The following RALY variants were observed in gnomAD, a reference collection of about 807,000 sequenced individuals.
RALY encodes the protein RALY heterogeneous nuclear ribonucleoprotein, also known as RNA-binding protein Raly.
RALY carries 15 observed loss-of-function variants against 30.7 expected under a neutral mutation model. That is an observed-to-expected ratio of 0.49 (90% CI 0.33 to 0.75). The LOEUF (loss-of-function observed/expected upper bound fraction) is 0.75. Among genes scored for constraint, RALY ranks in the 30% least tolerant of loss-of-function variants. The pLI is 0.02. For missense variants in RALY, 339 were observed against 414.3 expected, an observed-to-expected ratio of 0.82 and a Z score of 1.58; for synonymous variants, 177 against 170.8, an observed-to-expected ratio of 1.04 and a Z score of -0.28.
chr20:34,077,093 G>T lies in RALY; in HGVS notation c.724G>T (p.Gly242Cys), dbSNP rs756941709. Residue 242 changes from glycine to cysteine, a missense_variant, in exon 8 of 10, where the codon GGT becomes TGT. Gly to Cys is a radical substitution (Grantham distance 159, BLOSUM62 -3). Around this residue, in one of 2 missense-constraint regions of RALY, gnomAD observed 268 missense variants for 280.6 expected, o/e 0.95. Transcript: ENST00000246194. ...CGGCGGTGGTGGTGGCAGCGGTGGC[G>T]GTGGCAGTGGTGGTGGCGGTGGCGG... ...GGGGGGGSGG[G>C]GSGGGGGGGS... 1 of 1,604,960 alleles carries T rather than the reference G, an allele frequency of 6.2e-7. No homozygotes were observed. Among genetic ancestry groups the T allele is most frequent in the African/African-American group, 1.3e-5 (1 of 74,840 alleles).
At chr20:34,035,262 C>A (rs1187611432) in intron 2 of RALY, among the ~76,000 whole-genome samples, 1 of 140,828 alleles carries the variant, frequency 7.1e-6, no homozygotes, top group Non-Finnish European at 1.5e-5. Context: ...GAGGGTGGGG[C>A]TGGGTAATTT....
rs1171842051 is a variant in RALY, at chr20:34,078,508, C to T, written c.880C>T (p.His294Tyr). 1 of 1,584,176 alleles carries T rather than the reference C, an allele frequency of 6.3e-7. No homozygotes were observed. Among genetic ancestry groups the T allele is most frequent in the South Asian group, 1.2e-5 (1 of 86,476 alleles). The change falls in exon 9 of 10, where the codon CAC becomes TAC. Residue 294 changes from histidine to tyrosine, a missense_variant. Coordinates refer to ENST00000246194, the MANE Select transcript of RALY (RefSeq NM_016732.3). ...LLTHSEEELEHSQDTDADDGA... is the reference protein window; with the variant it reads ...LLTHSEEELEYSQDTDADDGA... ...TCTCTTACCTCCTCCCTATCAGGAA[C>T]ACAGCCAGGACACAGACGCGGATGA...
At chr20:34,055,548 C>T (rs1352724733) in intron 2 of RALY, among the ~76,000 whole-genome samples, 1 of 152,184 alleles carries the variant, frequency 6.6e-6, no homozygotes, top group Admixed American at 6.5e-5. Flanking sequence ...GTTCTGATGC[C>T]AGTGGGGATG....
chr20:34,076,083 CATT>C (rs1444532393), intron 6 of RALY, 43 bp downstream of exon 6: 21 of 1,574,746 alleles, frequency 1.3e-5, no homozygotes, highest in Non-Finnish European at 1.7e-5. Flanking sequence ...GCATTTTTAT[CATT>C]AGCAAAATAA....
chr20:34,005,507 CAA>C (rs535112985), intron 1 of RALY, among the ~76,000 whole-genome samples: 32 of 134,622 alleles, frequency 2.4e-4, no homozygotes, highest in Non-Finnish European at 1.6e-4. Flanking sequence ...GACTCTTTCT[CAA>C]AAAAAAAAAA....
chr20:34,036,277 G>C (rs945268953), intron 2 of RALY, among the ~76,000 whole-genome samples: 2 of 152,184 alleles, frequency 1.3e-5, no homozygotes, highest in African/African-American at 4.8e-5. Flanking sequence ...TTCAGGCTAA[G>C]GAAGTTCCCT....
intron 3 of RALY, 121 bp from the exon 4 acceptor site, chr20:34,073,442 G>A (rs2033787196): frequency 2.2e-6 from 2 of 891,976 alleles, no homozygotes; most frequent in Non-Finnish European, 3.6e-6. Flanking sequence ...GGCACCATCA[G>A]TGAGCAGAAT....
chr20:34,003,780 CA>C, intron 1 of RALY, among the ~76,000 whole-genome samples: 1 of 151,036 alleles, frequency 6.6e-6, no homozygotes, highest in East Asian at 2.0e-4. Context: ...GCTGGGACTA[CA>C]GGCGCCCGCC....
intron 1 of RALY, among the ~76,000 whole-genome samples, chr20:34,006,618 T>C (rs944855733): frequency 1.3e-5 from 2 of 150,290 alleles, no homozygotes; most frequent in Non-Finnish European, 2.9e-5. Flanking sequence ...TGGTCTAATA[T>C]GATTGTAATA....
chr20:34,053,877 G>A (rs2033158854), intron 2 of RALY, among the ~76,000 whole-genome samples: 1 of 152,078 alleles, frequency 6.6e-6, no homozygotes, highest in Non-Finnish European at 1.5e-5. Flanking sequence ...TATTGATATT[G>A]CTGACAAGGA....
intron 2 of RALY, among the ~76,000 whole-genome samples, chr20:34,047,844 A>G (rs2032936474): frequency 6.6e-6 from 1 of 152,192 alleles, no homozygotes; most frequent in South Asian, 2.1e-4. Context: ...GAAGGCCAGT[A>G]TCCCTAGGAG....
intron 2 of RALY, among the ~76,000 whole-genome samples, chr20:34,044,011 T>C (rs1457915150): frequency 6.6e-6 from 1 of 151,862 alleles, no homozygotes; most frequent in East Asian, 1.9e-4. Flanking sequence ...AGATGAGGCA[T>C]TTGGTAATTA....
chr20:34,075,853 C>A, intron 5 of RALY, 21 bp from the exon 6 acceptor site: 1 of 1,606,410 alleles, frequency 6.2e-7, no homozygotes, highest in Non-Finnish European at 8.5e-7. Context: ...GCTGCAGCCT[C>A]TGGCCCATCT....
At chr20:34,074,639 A>C (rs2033824324) in intron 5 of RALY, among the ~76,000 whole-genome samples, 1 of 152,144 alleles carries the variant, frequency 6.6e-6, no homozygotes, top group Non-Finnish European at 1.5e-5. Flanking sequence ...TTAGATGCTA[A>C]TCTCAGCTCT....
chr20:34,037,375 G>A (rs865956667), intron 2 of RALY, among the ~76,000 whole-genome samples: 7 of 152,198 alleles, frequency 4.6e-5, no homozygotes, highest in Non-Finnish European at 8.8e-5. Flanking sequence ...TCTGCAGAAG[G>A]TTGCCTGATA....
intron 2 of RALY, among the ~76,000 whole-genome samples, chr20:34,068,058 A>C (rs752809989): frequency 6.6e-6 from 1 of 152,062 alleles, no homozygotes; most frequent in Admixed American, 6.5e-5. Flanking sequence ...CCATGTGCAC[A>C]CAGGTCTCTG....
chr20:34,007,527 A>T (rs1230986254), intron 1 of RALY, among the ~76,000 whole-genome samples: 1 of 151,146 alleles, frequency 6.6e-6, no homozygotes, highest in Non-Finnish European at 1.5e-5. Flanking sequence ...TCTCAAAAAA[A>T]ACAAAACAAA....
intron 2 of RALY, among the ~76,000 whole-genome samples, chr20:34,060,819 T>C (rs1601489965): frequency 6.6e-6 from 1 of 152,318 alleles, no homozygotes; most frequent in East Asian, 1.9e-4. Context: ...AAGAAAACAC[T>C]ACATAAGCTC....
intron 8 of RALY, chr20:34,077,468 C>G: frequency 1.0e-6 from 1 of 965,860 alleles, no homozygotes; most frequent in Non-Finnish European, 1.5e-6. Flanking sequence ...GCAGACCTCC[C>G]CCAAATGCGG....
Sources: allele counts gnomAD v4.1 joint callset (sites outside exome capture counted in the v4.1 genomes callset), GRCh38; gene constraint gnomAD v4.1.1; regional missense constraint gnomAD v4.1.1; transcripts MANE v1.5; gene names NCBI Gene and HGNC (gene_info 2026-07-23, HGNC 2026-07-21).